The following CCDC59 variants were observed in gnomAD, a reference collection of about 807,000 sequenced individuals.
CCDC59 encodes the protein thyroid transcription factor 1-associated protein 26.
CCDC59 carries 27 observed loss-of-function variants against 30.5 expected under a neutral mutation model. The ratio of observed to expected loss-of-function variants is 0.89; its 90% CI spans 0.65 to 1.22. The LOEUF (loss-of-function observed/expected upper bound fraction) is 1.22. Among genes scored for constraint, CCDC59 ranks in the 50% most tolerant of loss-of-function variants. The pLI, the probability that CCDC59 is intolerant of heterozygous loss-of-function variation, is 0.00. For missense variants in CCDC59, 362 were observed against 284.4 expected, an observed-to-expected ratio of 1.27 and a Z score of -1.96; for synonymous variants, 125 against 100.9, an observed-to-expected ratio of 1.24 and a Z score of -1.43.
chr12:82,353,888 T>A (rs921391535), intron 3 of CCDC59, among the ~76,000 whole-genome samples: 9 of 152,096 alleles, frequency 5.9e-5, no homozygotes, highest in African/African-American at 2.2e-4. Context: ...ACTACCACAG[T>A]TACAACAAAA....
chr12:82,353,509 A>T (rs1880895543), intron 3 of CCDC59, among the ~76,000 whole-genome samples, 197 bp from the exon 4 acceptor site: 1 of 152,192 alleles, frequency 6.6e-6, no homozygotes, highest in South Asian at 2.1e-4. Context: ...TATAACAGAG[A>T]ATTTTCATGA....
chr12:82,358,552 G>T (rs200200219), upstream of CCDC59: 1 of 1,607,798 alleles, frequency 6.2e-7, no homozygotes, highest in Non-Finnish European at 8.5e-7. Context: ...CTACAGCCTC[G>T]GAGGGTGAGC....
upstream of CCDC59, chr12:82,358,693 C>T (rs1881303580): frequency 1.2e-6 from 2 of 1,614,092 alleles, no homozygotes; most frequent in African/African-American, 1.3e-5. Context: ...GATTTCTACA[C>T]AGAATCCGTG....
chr12:82,357,114 G>A lies in CCDC59; in HGVS notation c.310C>T (p.His104Tyr), dbSNP rs754061377. Residue 104 changes from histidine (H) to tyrosine (Y), a missense_variant, in exon 2 of 4, where the codon CAT (histidine) becomes TAT (tyrosine). Coordinates refer to ENST00000256151, the MANE Select transcript of CCDC59 (RefSeq NM_014167.5). The stretch of plus-strand genomic sequence containing the variant: ...TCGACTTTTCTTGCTTGCTTCCTAT[G>A]TCTTTCCTCTTCAGCTAAATAGAGA... ...KHLYLAEEER[H>Y]RKQARKVDHP... is the part of the protein sequence containing the mutation. The A allele has an allele frequency of 6.2e-7, 1 of 1,614,164 alleles. No homozygotes were observed. Among genetic ancestry groups the A allele is most frequent in the Non-Finnish European group, 8.5e-7 (1 of 1,180,022 alleles).
At chr12:82,353,587 C>G (rs915487354) in intron 3 of CCDC59, among the ~76,000 whole-genome samples, 1 of 152,070 alleles carries the variant, frequency 6.6e-6, no homozygotes, top group Admixed American at 6.5e-5. Context: ...GCATAATGGT[C>G]ATTACTGCAC....
At chr12:82,358,635 C>G (rs1565788328), upstream of CCDC59, 1 of 1,614,082 alleles carries the variant, frequency 6.2e-7, no homozygotes, top group South Asian at 1.1e-5. Context: ...GCAGGGACTG[C>G]TGCAGTTCCT....
At chr12:82,356,577 G>A (rs1881022612) in intron 2 of CCDC59, among the ~76,000 whole-genome samples, 1 of 152,122 alleles carries the variant, frequency 6.6e-6, no homozygotes, top group Non-Finnish European at 1.5e-5. Context: ...TTAAAGAAGA[G>A]GTCACTGGGG....
upstream of CCDC59, chr12:82,358,500 A>T (rs764444275): frequency 1.7e-5 from 27 of 1,596,354 alleles, no homozygotes; most frequent in Non-Finnish European, 2.1e-5. Context: ...TGCCTGTGCT[A>T]ATTTGGGCCG....
chr12:82,354,715 G>A (rs905190929), intron 2 of CCDC59, 121 bp from the exon 3 acceptor site: 5 of 723,398 alleles, frequency 6.9e-6, no homozygotes, highest in Middle Eastern at 3.7e-4. Context: ...GGGATTCTTA[G>A]AGAAATATTT....
At position 82,358,385 on chromosome 12, in the gene CCDC59, A is replaced by T; in HGVS notation, c.-9T>A. On this transcript the variant is annotated 5_prime_UTR_variant, in exon 1 of 4. Coordinates refer to ENST00000256151, the MANE Select transcript of CCDC59 (RefSeq NM_014167.5). ...CGCCTCACCGGCGCCATTGCAGCCG[A>T]CTAACTGCGTCATCAGAAGACCACG... 1 of 1,612,804 alleles carries T rather than the reference A, an allele frequency of 6.2e-7. No individual in the cohort carries two copies. Among genetic ancestry groups the T allele is most frequent in the Non-Finnish European group, 8.5e-7 (1 of 1,180,030 alleles).
At chr12:82,354,648 G>T (rs567392617) in intron 2 of CCDC59, 54 bp from the exon 3 acceptor site, 87 of 1,490,504 alleles carry the variant, frequency 5.8e-5, no homozygotes, top group Non-Finnish European at 7.4e-5. Flanking sequence ...GTCCAAAAAG[G>T]TATTAAAAAC....
upstream of CCDC59, chr12:82,358,517 C>A (rs1232904576): frequency 1.3e-5 from 21 of 1,597,494 alleles, no homozygotes; most frequent in Middle Eastern, 1.7e-4. Flanking sequence ...GCCGAGCTGG[C>A]GCCTCACGGC....
In CCDC59 at chr12:82,353,420, T is replaced by G. The variant is rs934103828; in HGVS notation, c.565-108A>C. Reference sequence around the variant, plus strand: ...AGCAAACACTCTAAGGTTTGTCTCTTCTATTTTGCAAGATGTGCACTGTTT... The same window carrying G: ...AGCAAACACTCTAAGGTTTGTCTCTGCTATTTTGCAAGATGTGCACTGTTT... On this transcript the variant is annotated intron_variant, in intron 3 of 3. Coordinates refer to ENST00000256151, the MANE Select transcript of CCDC59 (RefSeq NM_014167.5). The G allele has an allele frequency of 3.5e-6, 3 of 868,572 alleles. No individual in the cohort carries two copies. The African/African-American group carries it at 5.1e-5, about 15-fold the overall frequency. 53.8% of individuals were successfully genotyped at this position (868,572 alleles called of 1,614,324 possible).
upstream of CCDC59, chr12:82,358,677 A>C: frequency 6.2e-7 from 1 of 1,614,144 alleles, no homozygotes; most frequent in Admixed American, 1.7e-5. Context: ...CAATGCACAT[A>C]CCGTGGATTT....
At chr12:82,356,584 G>A (rs1198036791) in intron 2 of CCDC59, among the ~76,000 whole-genome samples, 1 of 152,172 alleles carries the variant, frequency 6.6e-6, no homozygotes, top group Non-Finnish European at 1.5e-5. Context: ...AGAGGTCACT[G>A]GGGCACTAAC....
At chr12:82,358,597 C>T, upstream of CCDC59, 1 of 1,613,016 alleles carries the variant, frequency 6.2e-7, no homozygotes, top group South Asian at 1.1e-5. Flanking sequence ...CCGGTGACCC[C>T]GGACCTGCCC....
In CCDC59 at chr12:82,356,757, G is replaced by A. The variant is rs370351831; in HGVS notation, c.464+203C>T. ...TTCCAGAGCTCTTAATTCCCATTAC[G>A]TTACTTTGTCAATTAGGCTAAACCA... On this transcript the variant is annotated intron_variant, in intron 2 of 3. Transcript: ENST00000256151. The A allele has an allele frequency of 8.2e-4, 368 of 447,304 alleles. 5 individuals carry two copies. The South Asian group carries it at 0.015, about 18-fold the overall frequency. 27.7% of individuals were successfully genotyped at this position (447,304 alleles called of 1,614,324 possible).
At chr12:82,355,974 T>C (rs1319925914) in intron 2 of CCDC59, 3 of 152,192 alleles carry the variant, frequency 2.0e-5, no homozygotes, top group African/African-American at 7.2e-5. Context: ...CTGCTAATCT[T>C]TTCCCTGAAC....
rs777937126 is a variant in CCDC59 at position 82,353,265 on chromosome 12, G to A, written c.612C>T (p.Tyr204=). 652 of 1,611,284 alleles carry A rather than the reference G, an allele frequency of 4.0e-4. 2 individuals carry two copies. The highest frequency in any genetic ancestry group is 2.5e-4 in the Admixed American group (15 of 59,622). The change falls in exon 4 of 4, where the codon TAC becomes TAT. Residue 204 remains tyrosine, a synonymous_variant. Transcript: ENST00000256151. ...KQEREEAQRQ[Y]KKKKMEVFKI... ...TAAACACTTCCATTTTCTTCTTTTT[G>A]TACTGCCTTTGGGCTTCTTCTCTCT...
Sources: allele counts gnomAD v4.1 joint callset (sites outside exome capture counted in the v4.1 genomes callset), GRCh38; gene constraint gnomAD v4.1.1; transcripts MANE v1.5; gene names NCBI Gene and HGNC (gene_info 2026-07-23, HGNC 2026-07-21).